The following FGF12 variants were observed in gnomAD, a reference collection of about 807,000 sequenced individuals.
The protein encoded by FGF12 is fibroblast growth factor 12B.
A neutral mutation model predicts 23.6 loss-of-function variants in FGF12; 14 were observed. The ratio of observed to expected loss-of-function variants is 0.59; its 90% CI spans 0.39 to 0.93. FGF12 has a LOEUF of 0.93. Among genes scored for constraint, FGF12 ranks in the 40% least tolerant of loss-of-function variants. The pLI is 0.00. For synonymous variants in FGF12, 62 were observed against 77.3 expected (o/e 0.80, Z 1.04); for missense variants, 175 against 217.8 (o/e 0.80, Z 1.24).
At chr3:192,532,462 T>A (rs1283168103) in intron 2 of FGF12, among the ~76,000 whole-genome samples, 1 of 152,176 alleles carries the variant, frequency 6.6e-6, no homozygotes, top group Non-Finnish European at 1.5e-5. Flanking sequence ...TAGAGATCTT[T>A]CACCTACTTA....
At chr3:192,433,773 C>T (rs78546072) in intron 2 of FGF12, among the ~76,000 whole-genome samples, 126 of 152,258 alleles carry the variant, frequency 8.3e-4, no homozygotes, top group Non-Finnish European at 1.6e-3. Flanking sequence ...AGCTAAGAAA[C>T]GTGGGAGAAT....
At chr3:192,677,086 C>T (rs765692175) in intron 2 of FGF12, among the ~76,000 whole-genome samples, 1 of 152,160 alleles carries the variant, frequency 6.6e-6, no homozygotes, top group African/African-American at 2.4e-5. Flanking sequence ...GTTGTCCTAA[C>T]CCCAGCCTAA....
At chr3:192,309,570 G>A (rs921308223) in intron 4 of FGF12, among the ~76,000 whole-genome samples, 2 of 152,124 alleles carry the variant, frequency 1.3e-5, no homozygotes, top group African/African-American at 4.8e-5. Context: ...CAAGCAGAAA[G>A]CTATGGAAGA....
chr3:192,611,798 T>A (rs1021150346), intron 2 of FGF12, among the ~76,000 whole-genome samples: 1 of 152,060 alleles, frequency 6.6e-6, no homozygotes, highest in African/African-American at 2.4e-5. Context: ...CAGAGCTATG[T>A]TCCTCAAACT....
At chr3:192,715,238 C>T (rs568026494) in intron 2 of FGF12, among the ~76,000 whole-genome samples, 48 of 152,278 alleles carry the variant, frequency 3.2e-4, no homozygotes, top group African/African-American at 1.1e-3. Context: ...TTGTAACAGG[C>T]TTCCACAATT....
chr3:192,242,080 A>T (rs1404920974), intron 4 of FGF12, among the ~76,000 whole-genome samples: 1 of 152,222 alleles, frequency 6.6e-6, no homozygotes, highest in Non-Finnish European at 1.5e-5. Flanking sequence ...AGAAAAACAC[A>T]TTAAGCATTC....
At chr3:192,631,090 C>T (rs2108656350) in intron 2 of FGF12, among the ~76,000 whole-genome samples, 1 of 152,290 alleles carries the variant, frequency 6.6e-6, no homozygotes, top group East Asian at 1.9e-4. Flanking sequence ...TTCCTTATCT[C>T]TTTCTCCAGT....
At chr3:192,378,040 T>TTCTA (rs1719618857) in intron 2 of FGF12, among the ~76,000 whole-genome samples, 1 of 77,192 alleles carries the variant, frequency 1.3e-5, no homozygotes. Context: ...CTTTCTTTCT[T>TTCTA]TCTTTCTTTC....
At chr3:192,146,270 A>ATTTTTTTTTTTTTTTTTTTTTTTTTTTTT in intron 5 of FGF12, among the ~76,000 whole-genome samples, 1 of 92,164 alleles carries the variant, frequency 1.1e-5, no homozygotes, top group South Asian at 3.2e-4. Flanking sequence ...ATTAAAGTGT[A>ATTTTTTTTTTTTTTTTTTTTTTTTTTTTT]TATTTTTTTT....
chr3:192,144,755 C>G (rs1023860121), intron 5 of FGF12, among the ~76,000 whole-genome samples: 3 of 152,178 alleles, frequency 2.0e-5, no homozygotes, highest in African/African-American at 7.2e-5. Flanking sequence ...TCTATATAAA[C>G]CGTTCTTTTC....
At chr3:192,585,783 G>A (rs1713350087) in intron 2 of FGF12, among the ~76,000 whole-genome samples, 1 of 152,000 alleles carries the variant, frequency 6.6e-6, no homozygotes, top group African/African-American at 2.4e-5. Flanking sequence ...GTGGGGAAGG[G>A]GATAACTGTA....
intron 2 of FGF12, among the ~76,000 whole-genome samples, chr3:192,697,787 C>G (rs1204379936): frequency 2.0e-5 from 3 of 152,178 alleles, no homozygotes; most frequent in Non-Finnish European, 2.9e-5. Context: ...GCACACGACT[C>G]CTTAGAGGAC....
At chr3:192,173,397 C>T (rs1284045382) in intron 4 of FGF12, among the ~76,000 whole-genome samples, 1 of 150,666 alleles carries the variant, frequency 6.6e-6, no homozygotes, top group Non-Finnish European at 1.5e-5. Flanking sequence ...TATATGATAA[C>T]CCATGTGAAG....
chr3:192,328,964 A>T (rs542941612), intron 4 of FGF12, among the ~76,000 whole-genome samples: 15 of 152,340 alleles, frequency 9.8e-5, no homozygotes, highest in African/African-American at 3.6e-4. Context: ...TAAGACTACC[A>T]ATTAAACTTT....
At position 192,617,422 on chromosome 3, in the gene FGF12, G is replaced by A. The variant is rs558766326; in HGVS notation, c.13+109759C>T. Among the ~76,000 whole-genome samples the A allele has an allele frequency of 2.0e-5, 3 of 152,156 alleles. No homozygotes were observed. The East Asian group carries it at 5.8e-4, about 29-fold the overall frequency. On this transcript the variant is annotated intron_variant, in intron 2 of 5. Coordinates refer to ENST00000445105, the MANE Select transcript of FGF12 (RefSeq NM_004113.6). ...GCCTAGGACACTACAAAGTGATAAA[G>A]GGGGTCATAAAATTGGAGAAGTCAT...
chr3:192,208,595 T>C (rs138251031), intron 4 of FGF12, among the ~76,000 whole-genome samples: 22 of 152,368 alleles, frequency 1.4e-4, no homozygotes, highest in African/African-American at 5.3e-4. Context: ...TGAATTTTCT[T>C]GTGAATAGAT....
intron 3 of FGF12, among the ~76,000 whole-genome samples, chr3:192,347,631 A>G (rs1026744984): frequency 2.0e-5 from 3 of 152,132 alleles, no homozygotes; most frequent in African/African-American, 7.2e-5. Flanking sequence ...AGTGCACTAG[A>G]TGTTAATCTT....
At chr3:192,167,050 TC>T (rs1287332051) in intron 5 of FGF12, among the ~76,000 whole-genome samples, 4 of 149,526 alleles carry the variant, frequency 2.7e-5, no homozygotes, top group African/African-American at 9.9e-5. Context: ...AATTAGGAAA[TC>T]AGAGATATTC....
intron 2 of FGF12, among the ~76,000 whole-genome samples, chr3:192,403,042 A>G (rs1426830057): frequency 1.3e-5 from 2 of 152,154 alleles, no homozygotes; most frequent in East Asian, 3.8e-4. Flanking sequence ...AATATACATG[A>G]TGATCATGCA....
Sources: gnomAD v4.1 joint callset for allele counts (sites outside exome capture counted in the v4.1 genomes callset) on GRCh38, gnomAD v4.1.1 for gene constraint, MANE v1.5 for transcripts, NCBI Gene and HGNC (gene_info 2026-07-23, HGNC 2026-07-21) for gene names.